Variants in WDFY1 observed in about 807,000 individuals in gnomAD.
WDFY1 encodes the protein WD repeat and FYVE domain-containing protein 1.
Under a neutral mutation model 56.4 loss-of-function variants are expected in WDFY1, and 32 were observed. The observed-to-expected ratio is 0.57, with a 90% CI of 0.43 to 0.76. WDFY1 has a LOEUF of 0.76. Among genes scored for constraint, WDFY1 ranks in the 30% least tolerant of loss-of-function variants. The pLI, the probability that WDFY1 is intolerant of heterozygous loss-of-function variation, is 0.00. For missense variants in WDFY1, 480 were observed against 545.7 expected, an observed-to-expected ratio of 0.88 and a Z score of 1.20; for synonymous variants, 192 against 197.3, an observed-to-expected ratio of 0.97 and a Z score of 0.23.
rs560026740 is a variant in WDFY1 at position 223,894,114 on chromosome 2, G to C, written c.831+120C>G. The stretch of plus-strand genomic sequence containing the variant: ...GTCAGAAATAACCCATTAGCAGAAG[G>C]GGAAGCTGGGACTGTCTGCACCTGG... On this transcript the variant is annotated intron_variant, in intron 8 of 11. Transcript: ENST00000233055. 38 of 870,072 alleles carry C rather than the reference G, an allele frequency of 4.4e-5. No homozygotes were observed. The African/African-American group carries it at 6.1e-4, about 14-fold the overall frequency. 53.9% of individuals were successfully genotyped at this position (870,072 alleles called of 1,614,324 possible). A position where few individuals can be genotyped will look rare whatever the true frequency, so the allele number is the denominator to read the frequency against.
At chr2:223,891,395 A>AAAAAAAAAAAAAAAAAAAAT (rs1693274401) in intron 8 of WDFY1, among the ~76,000 whole-genome samples, 1 of 149,078 alleles carries the variant, frequency 6.7e-6, no homozygotes, top group African/African-American at 2.5e-5. Context: ...AAAAAAAAAA[A>AAAAAAAAAAAAAAAAAAAAT]GCCCAAAAAT....
chr2:223,919,789 G>C (rs1176285841), intron 1 of WDFY1, among the ~76,000 whole-genome samples: 2 of 152,208 alleles, frequency 1.3e-5, no homozygotes, highest in Non-Finnish European at 2.9e-5. Flanking sequence ...TATGTTTCCA[G>C]TTTTGAGGCC....
intron 8 of WDFY1, 112 bp downstream of exon 8, chr2:223,894,121 TG>T: frequency 1.0e-6 from 1 of 966,564 alleles, no homozygotes; most frequent in Non-Finnish European, 1.6e-6. Flanking sequence ...AAGGGGAAGC[TG>T]GGACTGTCTG....
intron 6 of WDFY1, among the ~76,000 whole-genome samples, chr2:223,897,081 T>C (rs1693393552): frequency 1.3e-5 from 2 of 152,234 alleles, no homozygotes; most frequent in Admixed American, 6.6e-5. Flanking sequence ...GGTCCTTGAT[T>C]TGATATACTC....
At chr2:223,896,952 C>A (rs1013524943) in intron 6 of WDFY1, among the ~76,000 whole-genome samples, 1 of 152,080 alleles carries the variant, frequency 6.6e-6, no homozygotes, top group Non-Finnish European at 1.5e-5. Context: ...AAAAAACTGG[C>A]GAGCCTGGGG....
chr2:223,930,827 C>T (rs1410822596), intron 1 of WDFY1, among the ~76,000 whole-genome samples: 1 of 152,166 alleles, frequency 6.6e-6, no homozygotes, highest in Non-Finnish European at 1.5e-5. Context: ...AAGCCATCCT[C>T]GGCCCGCCTG....
At chr2:223,945,100 C>T (rs766051069) in intron 1 of WDFY1, 48 bp downstream of exon 1, 7 of 1,538,916 alleles carry the variant, frequency 4.5e-6, no homozygotes, top group African/African-American at 1.4e-5. Context: ...CGCCCCCACA[C>T]CCCGTCGTCG....
intron 3 of WDFY1, among the ~76,000 whole-genome samples, chr2:223,909,222 C>T (rs1285789691): frequency 2.6e-5 from 4 of 152,112 alleles, no homozygotes; most frequent in East Asian, 3.9e-4. Flanking sequence ...GGCATAGAGC[C>T]GGGGAATCTG....
chr2:223,928,459 A>AGATAC (rs1263655501), intron 1 of WDFY1, among the ~76,000 whole-genome samples: 1 of 152,138 alleles, frequency 6.6e-6, no homozygotes, highest in Non-Finnish European at 1.5e-5. Flanking sequence ...CCCAGAGAAA[A>AGATAC]GATACGGAGG....
At chr2:223,913,540 AC>A (rs1425515410) in intron 2 of WDFY1, among the ~76,000 whole-genome samples, 4 of 152,218 alleles carry the variant, frequency 2.6e-5, no homozygotes, top group Non-Finnish European at 4.4e-5. Context: ...AAGTATTATG[AC>A]CACAAAGATA....
intron 3 of WDFY1, among the ~76,000 whole-genome samples, chr2:223,908,242 T>C (rs910782189): frequency 7.2e-5 from 11 of 152,158 alleles, no homozygotes; most frequent in Non-Finnish European, 1.3e-4. Flanking sequence ...CTTGACCCCT[T>C]CTCAGCCAAA....
intron 1 of WDFY1, among the ~76,000 whole-genome samples, chr2:223,939,986 C>T (rs1289027658): frequency 6.6e-6 from 1 of 152,238 alleles, no homozygotes; most frequent in Non-Finnish European, 1.5e-5. Flanking sequence ...CTAGTTCTCA[C>T]TGCTTTTAGC....
At chr2:223,914,581 G>A (rs747634167) in intron 2 of WDFY1, among the ~76,000 whole-genome samples, 9 of 152,134 alleles carry the variant, frequency 5.9e-5, no homozygotes, top group Admixed American at 1.3e-4. Context: ...TAGTCCAAAT[G>A]TTTACTGTCT....
At chr2:223,908,342 G>A (rs1693636995) in intron 3 of WDFY1, among the ~76,000 whole-genome samples, 1 of 152,068 alleles carries the variant, frequency 6.6e-6, no homozygotes, top group South Asian at 2.1e-4. Flanking sequence ...GGCTCACCAG[G>A]GCTACCCCAC....
chr2:223,896,178 A>AAAAAAAAAAAAAAAAAAAAAAT (rs1559165610), intron 6 of WDFY1, among the ~76,000 whole-genome samples: 1 of 148,018 alleles, frequency 6.8e-6, no homozygotes, highest in Admixed American at 6.7e-5. Flanking sequence ...AAAAAAAAAA[A>AAAAAAAAAAAAAAAAAAAAAAT]AAAAACTGCT....
At chr2:223,939,154 A>C (rs1689254553) in intron 1 of WDFY1, among the ~76,000 whole-genome samples, 4 of 152,222 alleles carry the variant, frequency 2.6e-5, no homozygotes, top group South Asian at 2.1e-4. Flanking sequence ...CGTCACCTGG[A>C]AACTTGGCAG....
At chr2:223,918,697 C>A (rs1377610263) in intron 1 of WDFY1, among the ~76,000 whole-genome samples, 3 of 152,010 alleles carry the variant, frequency 2.0e-5, no homozygotes, top group African/African-American at 4.8e-5. Context: ...GAACTGTTAA[C>A]TGCTTTTCTT....
intron 1 of WDFY1, among the ~76,000 whole-genome samples, chr2:223,943,001 T>C (rs1267657544): frequency 6.6e-6 from 1 of 150,548 alleles, no homozygotes; most frequent in Non-Finnish European, 1.5e-5. Context: ...ACCAACATGG[T>C]GAAACCCTGT....
At chr2:223,927,970 GAGAC>G (rs1310804628) in intron 1 of WDFY1, among the ~76,000 whole-genome samples, 1 of 152,078 alleles carries the variant, frequency 6.6e-6, no homozygotes, top group Non-Finnish European at 1.5e-5. Flanking sequence ...GAGAGAGAGA[GAGAC>G]AGACAGACAT....
Sources: allele counts gnomAD v4.1 joint callset (sites outside exome capture counted in the v4.1 genomes callset), GRCh38; gene constraint gnomAD v4.1.1; transcripts MANE v1.5; gene names NCBI Gene and HGNC (gene_info 2026-07-23, HGNC 2026-07-21).